The following LRRC56 variants were observed in gnomAD, a reference collection of about 807,000 sequenced individuals.
LRRC56 encodes leucine rich repeat containing 56.
Under a neutral mutation model 47.8 loss-of-function variants are expected in LRRC56, and 41 were observed. The ratio of observed to expected loss-of-function variants is 0.86; its 90% confidence interval spans 0.67 to 1.11. The LOEUF is 1.11. LRRC56 is among the 50% of genes most tolerant of loss of function. LRRC56 has a pLI of 0.00. For synonymous variants in LRRC56, 387 were observed against 311.2 expected, an observed-to-expected ratio of 1.24 and a Z score of -2.56; for missense variants, 759 against 704.2, an observed-to-expected ratio of 1.08 and a Z score of -0.88.
the LRRC56 span, chr11:532,310 G>A: frequency 5.4e-3 from 2,672 of 495,004 alleles, 15 homozygotes; most frequent in Non-Finnish European, 7.4e-3. Flanking sequence ...GCCTGGGAGG[G>A]GAGCTAAGGG....
At chr11:551,872 G>A (rs748675002) in intron 10 of LRRC56, 31 bp from the exon 11 acceptor site, 43 of 1,611,078 alleles carry the variant, frequency 2.7e-5, no homozygotes, top group East Asian at 1.3e-4. Flanking sequence ...CCTCGGCCCC[G>A]AACCAGGCCC....
intron 6 of LRRC56, among the ~76,000 whole-genome samples, chr11:548,884 A>AGGGTG (rs1852221296): frequency 6.6e-6 from 1 of 152,238 alleles, no homozygotes; most frequent in Non-Finnish European, 1.5e-5. Flanking sequence ...ACCCAGCCTA[A>AGGGTG]TGGCTGCATA....
At chr11:521,187 C>A in the LRRC56 span, among the ~76,000 whole-genome samples, 1 of 152,340 alleles carries the variant, frequency 6.6e-6, no homozygotes, top group African/African-American at 2.4e-5. Context: ...CCTTCACTAG[C>A]CACTGGTTCG....
chr11:524,819 A>C, the LRRC56 span, among the ~76,000 whole-genome samples: 1 of 151,156 alleles, frequency 6.6e-6, no homozygotes, highest in African/African-American at 2.4e-5. Flanking sequence ...CTGGTGGGGC[A>C]TAGTGGCTCA....
At chr11:540,488 C>A (rs1851735980) in intron 3 of LRRC56, among the ~76,000 whole-genome samples, 186 bp from the exon 4 acceptor site, 2 of 151,162 alleles carry the variant, frequency 1.3e-5, no homozygotes, top group Non-Finnish European at 2.9e-5. Flanking sequence ...CAGGCTGGAA[C>A]TAAGCAGACA....
the LRRC56 span, among the ~76,000 whole-genome samples, chr11:521,059 C>T: frequency 1.3e-5 from 2 of 152,222 alleles, no homozygotes; most frequent in East Asian, 1.9e-4. Context: ...CAGCGTACTC[C>T]GGACCTCTGT....
chr11:552,354 T>TC, intron 12 of LRRC56, 122 bp downstream of exon 12: 1 of 1,385,504 alleles, frequency 7.2e-7, no homozygotes, highest in Non-Finnish European at 9.9e-7. Context: ...GCATGTCCTG[T>TC]CCCGTGGGGG....
rs1852672992 is a variant in LRRC56, at chr11:554,759, G to A, written c.*483G>A. The A allele has an allele frequency of 1.0e-5, 5 of 491,658 alleles. No homozygotes were observed. Among genetic ancestry groups the A allele is most frequent in the South Asian group, 2.6e-5 (1 of 38,388 alleles). 30.5% of individuals were successfully genotyped at this position (491,658 alleles called of 1,614,324 possible). A position where few individuals can be genotyped will look rare whatever the true frequency, so the allele number is the denominator to read the frequency against. Reference sequence around the variant, plus strand: ...GCGGTCCAGGCCTCCCGTCTCCGGGGGATCTGTAGGGTTCCCGCACTGCGA... The same window carrying A: ...GCGGTCCAGGCCTCCCGTCTCCGGGAGATCTGTAGGGTTCCCGCACTGCGA... On this transcript the variant is annotated 3_prime_UTR_variant, in exon 14 of 14. Coordinates refer to ENST00000270115, the MANE Select transcript of LRRC56 (RefSeq NM_198075.4).
the LRRC56 span, among the ~76,000 whole-genome samples, chr11:508,184 G>C: frequency 6.6e-6 from 1 of 152,098 alleles, no homozygotes; most frequent in Non-Finnish European, 1.5e-5. Flanking sequence ...ATTTGTTTTC[G>C]AGACAGGGTC....
At chr11:511,944 G>A in the LRRC56 span, among the ~76,000 whole-genome samples, 1 of 151,968 alleles carries the variant, frequency 6.6e-6, no homozygotes, top group Non-Finnish European at 1.5e-5. Flanking sequence ...AGGTTAGGAG[G>A]CGAATTTTTT....
At position 541,513 on chromosome 11, in the gene LRRC56, C is replaced by G. The variant is rs1300315381; in HGVS notation, c.178-24C>G. On this transcript the variant is annotated intron_variant, in intron 4 of 13. Transcript: ENST00000270115. This position sits in a 1 kb window ranked among gnomAD's most constrained non-coding sequence, Gnocchi z 4.1. Reference sequence around the variant, plus strand: ...AAAGTGGGGAGAGCCAGGACCAGCGCTGACCCCCGGTTGGTTTCTACAGCA... The same window carrying G: ...AAAGTGGGGAGAGCCAGGACCAGCGGTGACCCCCGGTTGGTTTCTACAGCA... The G allele has an allele frequency of 1.4e-6, 2 of 1,459,046 alleles. No homozygotes were observed. The highest frequency in any genetic ancestry group is 1.9e-6 in the Non-Finnish European group (2 of 1,074,956). The allele number at this position is 1,459,046 out of a possible 1,614,324, so 90.4% of individuals were successfully genotyped here. A position where few individuals can be genotyped will look rare whatever the true frequency, so the allele number is the denominator to read the frequency against.
At chr11:510,475 C>T in the LRRC56 span, among the ~76,000 whole-genome samples, 3 of 152,254 alleles carry the variant, frequency 2.0e-5, no homozygotes, top group Admixed American at 2.0e-4. Context: ...CAGTGGCTCA[C>T]ACCTGTAATC....
At chr11:533,950 G>A (rs2133991944), upstream of LRRC56, 3 of 1,609,682 alleles carry the variant, frequency 1.9e-6, no homozygotes, top group Non-Finnish European at 1.7e-6. Flanking sequence ...GAATCCTGCA[G>A]GAGGACAGGG....
In LRRC56 at chr11:550,218, C is replaced by T; in HGVS notation, c.570C>T (p.Leu190=). 1 of 1,612,122 alleles carries T rather than the reference C, an allele frequency of 6.2e-7. No individual in the cohort carries two copies. Among genetic ancestry groups the T allele is most frequent in the South Asian group, 1.1e-5 (1 of 91,016 alleles). ...AGCTGTGCCCACGCCTGGCCATGCT[C>T]ACCCTGGAGGGCAACCTGGTGTGCC... ...YLQLCPRLAM[L]TLEGNLVCLQ... is the part of the protein sequence containing the mutation. Residue 190 remains leucine (L), a synonymous_variant, in exon 8 of 14, where the codon CTC becomes CTT. Transcript: ENST00000270115.
chr11:535,112 G>T, upstream of LRRC56: 1 of 152,084 alleles, frequency 6.6e-6, no homozygotes, highest in South Asian at 2.1e-4. Flanking sequence ...AGACGCCCCC[G>T]GGTGTGAGGG....
chr11:542,580 C>CAAAAAAAAAAAAAAAAAAAAAAAAAAAA (rs71022928), intron 5 of LRRC56, among the ~76,000 whole-genome samples: 4 of 26,000 alleles, frequency 1.5e-4, no homozygotes, highest in African/African-American at 8.6e-4. Context: ...AACCCTGTCG[C>CAAAAAAAAAAAAAAAAAAAAAAAAAAAA]AAAAAAAAAA....
intron 13 of LRRC56, among the ~76,000 whole-genome samples, 181 bp from the exon 14 acceptor site, chr11:553,782 C>T (rs541503384): frequency 5.3e-5 from 8 of 152,232 alleles, no homozygotes; most frequent in African/African-American, 1.9e-4. Context: ...CCCGCCCATG[C>T]GAGTCAGGGG....
chr11:515,358 T>C, the LRRC56 span, among the ~76,000 whole-genome samples: 1 of 152,198 alleles, frequency 6.6e-6, no homozygotes, highest in African/African-American at 2.4e-5. Context: ...CAGCCTGGGC[T>C]TGTCTTCTCA....
chr11:537,456 T>C (rs1486515161), upstream of LRRC56: 1 of 152,218 alleles, frequency 6.6e-6, no homozygotes, highest in East Asian at 1.9e-4. Flanking sequence ...TATTTGCGTA[T>C]TCAAATGAGG....
Sources: allele counts gnomAD v4.1 joint callset (sites outside exome capture counted in the v4.1 genomes callset), GRCh38; gene constraint gnomAD v4.1.1; non-coding constraint Gnocchi (gnomAD v3.1); transcripts MANE v1.5; gene names NCBI Gene and HGNC (gene_info 2026-07-23, HGNC 2026-07-21).